Variants in CALB2 observed in about 807,000 individuals in gnomAD.
The protein encoded by CALB2 is calbindin 2, also known as calretinin.
Under a neutral mutation model 45.9 loss-of-function variants are expected in CALB2, and 34 were observed. That is an observed-to-expected ratio of 0.74 (90% CI 0.56 to 0.99). The LOEUF (loss-of-function observed/expected upper bound fraction) is 0.99, where lower values mean the gene tolerates loss of function less well. Ranked by LOEUF, CALB2 falls within the 50% of genes least tolerant of loss-of-function variation. The probability of loss-of-function intolerance (pLI) is 0.00; values close to 1 mark genes in which losing one functional copy is unlikely to be tolerated. For synonymous variants in CALB2, 142 were observed against 129.6 expected (o/e 1.10, Z -0.65); for missense variants, 344 against 339.3 (o/e 1.01, Z -0.11).
chr16:71,367,585 ATC>A (rs1459287825), intron 1 of CALB2, among the ~76,000 whole-genome samples: 1 of 151,988 alleles, frequency 6.6e-6, no homozygotes, highest in African/African-American at 2.4e-5. Context: ...CCACCTGCCG[ATC>A]TCTCCTGTGT....
intron 6 of CALB2, among the ~76,000 whole-genome samples, chr16:71,383,732 G>C (rs2042528776): frequency 6.6e-6 from 1 of 152,118 alleles, no homozygotes; most frequent in African/African-American, 2.4e-5. Flanking sequence ...CCGGCCTGCT[G>C]TGCCTCAGCT....
intron 8 of CALB2, 131 bp downstream of exon 8, chr16:71,384,509 CCACACACACAA>C (rs2042542014): frequency 5.1e-6 from 4 of 776,962 alleles, no homozygotes; most frequent in East Asian, 5.1e-5. Flanking sequence ...ACAAAACACA[CCACACACACAA>C]CACACACAGA....
rs1401114012 is a variant in CALB2 at position 71,363,234 on chromosome 16, G to A, written c.94+4348G>A. On this transcript the variant is annotated intron_variant, in intron 1 of 10. Transcript: ENST00000302628. ...TAAAGATATAAGAAGAAAACAATGT[G>A]ATAGACACCTTTTCTTCCCTTGTAA... is the stretch of plus-strand genomic sequence containing the variant. Among the ~76,000 whole-genome samples the A allele has an allele frequency of 3.3e-5, 5 of 152,292 alleles. 1 individual carries two copies. The highest frequency in any genetic ancestry group is 3.3e-4 in the Admixed American group (5 of 15,292).
chr16:71,381,278 G>A (rs1023413672), intron 4 of CALB2, among the ~76,000 whole-genome samples: 2 of 152,110 alleles, frequency 1.3e-5, no homozygotes, highest in Admixed American at 6.5e-5. Context: ...TCTGGCTATG[G>A]GAAGGAGTAT....
Position 71,389,566 on chromosome 16 carries a change from A to G in CALB2, c.700-183A>G, listed in dbSNP as rs750485920. 4.0e-6 allele frequency: 3 copies of G among 744,364 alleles called. No individual in the cohort carries two copies. In the African/African-American group the frequency reaches 5.1e-5, roughly 13 times the overall value. The allele number at this position is 744,364 out of a possible 1,614,324, so 46.1% of individuals were successfully genotyped here. A position where few individuals can be genotyped will look rare whatever the true frequency, so the allele number is the denominator to read the frequency against. On this transcript the variant is annotated intron_variant, in intron 10 of 10. Transcript: ENST00000302628. ...CCAAAGCAATGCAGCCAGTAAGTGA[A>G]AGAGAGGCTTTAACCTCCATCTGTC...
At chr16:71,362,865 T>C (rs986435336) in intron 1 of CALB2, among the ~76,000 whole-genome samples, 8 of 152,224 alleles carry the variant, frequency 5.3e-5, no homozygotes, top group African/African-American at 1.7e-4. Flanking sequence ...ATTTCCTGTG[T>C]AGTCAGCAAA....
At chr16:71,378,017 G>T (rs2042438346) in intron 4 of CALB2, among the ~76,000 whole-genome samples, 1 of 152,186 alleles carries the variant, frequency 6.6e-6, no homozygotes, top group African/African-American at 2.4e-5. Context: ...GAGGTCAGGG[G>T]TTCGAGACCA....
chr16:71,359,826 C>A (rs905808179), intron 1 of CALB2, among the ~76,000 whole-genome samples: 1 of 152,252 alleles, frequency 6.6e-6, no homozygotes, highest in Non-Finnish European at 1.5e-5. Context: ...TACGCACAGA[C>A]CTGGCTAAGA....
intron 2 of CALB2, 33 bp from the exon 3 acceptor site, chr16:71,374,712 C>T: frequency 7.1e-7 from 1 of 1,416,368 alleles, no homozygotes; most frequent in African/African-American, 1.4e-5. Flanking sequence ...TGAGATACAG[C>T]AGCAAAAATC....
At chr16:71,385,817 GT>G (rs1272348416) in intron 10 of CALB2, among the ~76,000 whole-genome samples, 169 bp downstream of exon 10, 3 of 152,192 alleles carry the variant, frequency 2.0e-5, no homozygotes, top group Non-Finnish European at 4.4e-5. Flanking sequence ...TTTCTGGTTG[GT>G]TGGTTGATTA....
At chr16:71,381,586 G>T (rs760388313) in intron 4 of CALB2, among the ~76,000 whole-genome samples, 1 of 152,162 alleles carries the variant, frequency 6.6e-6, no homozygotes, top group South Asian at 2.1e-4. Flanking sequence ...GAGAAGTGGG[G>T]GGAGGCAGGG....
chr16:71,370,564 T>A (rs1354271071), intron 1 of CALB2, among the ~76,000 whole-genome samples: 5 of 152,082 alleles, frequency 3.3e-5, no homozygotes, highest in Admixed American at 3.3e-4. Context: ...CAGATATCCA[T>A]ATTTTTTTTA....
intron 9 of CALB2, chr16:71,385,328 C>G: frequency 2.2e-6 from 1 of 448,558 alleles, no homozygotes; most frequent in East Asian, 3.4e-5. Context: ...CTTCTTGAAT[C>G]TCACTTAAAT....
intron 1 of CALB2, among the ~76,000 whole-genome samples, chr16:71,370,659 G>A (rs536664873): frequency 1.1e-4 from 17 of 152,170 alleles, no homozygotes; most frequent in African/African-American, 3.9e-4. Context: ...ATTTTGGGGC[G>A]GTAGTATGTT....
At chr16:71,358,927 G>T in intron 1 of CALB2, 41 bp downstream of exon 1, 1 of 1,567,520 alleles carries the variant, frequency 6.4e-7, no homozygotes, top group South Asian at 1.1e-5. Context: ...TGGCACCCAG[G>T]GGACCTGCGG....
chr16:71,361,328 G>T (rs1375343314), intron 1 of CALB2, among the ~76,000 whole-genome samples: 1 of 152,128 alleles, frequency 6.6e-6, no homozygotes, highest in Non-Finnish European at 1.5e-5. Flanking sequence ...TCCACAAAAG[G>T]ATCCAGAATT....
At chr16:71,359,581 C>T (rs530185155) in intron 1 of CALB2, among the ~76,000 whole-genome samples, 21 of 152,140 alleles carry the variant, frequency 1.4e-4, no homozygotes, top group Non-Finnish European at 2.4e-4. Flanking sequence ...GGGGAGGCAC[C>T]ACCCTAAGTG....
rs142323758 is a variant in CALB2, at chr16:71,377,343, A to G, written c.262-324A>G. Among the ~76,000 whole-genome samples the G allele has an allele frequency of 3.1e-3, 466 of 152,248 alleles. 4 individuals are homozygous for G. The highest frequency in any genetic ancestry group is 0.011 in the African/African-American group (442 of 41,540). On this transcript the variant is annotated intron_variant, in intron 3 of 10. Transcript: ENST00000302628. The stretch of plus-strand genomic sequence containing the variant: ...AGGCAACCACCCATCTACTTAGATT[A>G]GTTTGCATTTTTCAGAATTTTACAT...
intron 1 of CALB2, among the ~76,000 whole-genome samples, chr16:71,368,696 C>T (rs1567535971): frequency 2.6e-5 from 4 of 152,012 alleles, no homozygotes; most frequent in South Asian, 4.1e-4. Flanking sequence ...CTGCCATGCC[C>T]GTGTGTCTGG....
Sources: gnomAD v4.1 joint callset for allele counts (sites outside exome capture counted in the v4.1 genomes callset) on GRCh38, gnomAD v4.1.1 for gene constraint, MANE v1.5 for transcripts, NCBI Gene and HGNC (gene_info 2026-07-23, HGNC 2026-07-21) for gene names.